ADAMTS14: variants seen among roughly 807,000 people sequenced by gnomAD.
ADAMTS14 encodes ADAM metallopeptidase with thrombospondin type 1 motif 14.
A neutral mutation model predicts 128.6 loss-of-function variants in ADAMTS14; 100 were observed. The ratio of observed to expected loss-of-function variants is 0.78; its 90% CI spans 0.66 to 0.92. ADAMTS14 has a LOEUF of 0.92. Ranked by LOEUF, ADAMTS14 falls within the 40% of genes least tolerant of loss-of-function variation. ADAMTS14 has a pLI of 0.00. For synonymous variants in ADAMTS14, 665 were observed against 653.8 expected (o/e 1.02, Z -0.26); for missense variants, 1,562 against 1,658.6 (o/e 0.94, Z 1.01).
At chr10:70,760,218 A>C (rs147834453) in intron 21 of ADAMTS14, 142 bp from the exon 22 acceptor site, 22,050 of 1,108,312 alleles carry the variant, frequency 0.02, 330 homozygotes, top group Non-Finnish European at 0.024. Context: ...TGTAGCCCCC[A>C]CCCTGAGAAA....
intron 4 of ADAMTS14, among the ~76,000 whole-genome samples, chr10:70,721,209 G>C (rs903192960): frequency 4.0e-5 from 6 of 151,540 alleles, no homozygotes; most frequent in Non-Finnish European, 8.8e-5. Context: ...ATTTTTAGTA[G>C]AGACGGGGTT....
intron 16 of ADAMTS14, 41 bp downstream of exon 16, chr10:70,750,026 A>G (rs1842306295): frequency 1.2e-6 from 2 of 1,603,378 alleles, no homozygotes; most frequent in African/African-American, 1.3e-5. Context: ...TGCCCACCCC[A>G]CTTGTCCCCT....
In ADAMTS14 at chr10:70,760,469, G is replaced by C; in HGVS notation, c.3288G>C (p.Lys1096Asn). The C allele has an allele frequency of 1.2e-6, 2 of 1,613,832 alleles. No homozygotes were observed. Among genetic ancestry groups the C allele is most frequent in the Non-Finnish European group, 1.7e-6 (2 of 1,179,952 alleles). ...TCTGCTGTGTGTCCTGCATCAAGAA[G>C]GCCTCGGGCCCCAACCCTGGCCCAG... is the stretch of plus-strand genomic sequence containing the variant. Reference protein sequence around the residue: ...HRLCCVSCIKKASGPNPGPDP... With the variant: ...HRLCCVSCIKNASGPNPGPDP... Residue 1096 changes from lysine to asparagine, a missense_variant, in exon 22 of 22, where the codon AAG becomes AAC. Transcript: ENST00000373207.
At position 70,690,767 on chromosome 10, in the gene ADAMTS14, C is replaced by T. The variant is rs1048199880; in HGVS notation, c.523-11545C>T. Among the ~76,000 whole-genome samples, 5 of 145,134 alleles carry T rather than the reference C, an allele frequency of 3.4e-5. 1 individual carries two copies. Among genetic ancestry groups the T allele is most frequent in the South Asian group, 2.2e-4 (1 of 4,556 alleles). On this transcript the variant is annotated intron_variant, in intron 2 of 21. Coordinates refer to ENST00000373207, the MANE Select transcript of ADAMTS14 (RefSeq NM_080722.4). ...GTGCTGCTCACTGTCAGCTGGTGTG[C>T]GTCTGAGTGGCAGCGTTCAAACTGC... is the stretch of plus-strand genomic sequence containing the variant.
rs1006434722 is a variant in ADAMTS14 at position 70,743,655 on chromosome 10, A to T, written c.2032A>T (p.Ser678Cys). The T allele has an allele frequency of 6.2e-7, 1 of 1,607,180 alleles. No individual in the cohort carries two copies. The highest frequency in any genetic ancestry group is 8.5e-7 in the Non-Finnish European group (1 of 1,176,888). The change falls in exon 13 of 22, where the codon AGC (serine) becomes TGC (cysteine). Residue 678 changes from serine to cysteine, a missense_variant. Transcript: ENST00000373207. The stretch of plus-strand genomic sequence containing the variant: ...ACGCTGCAGCTACCGGGACCCATAC[A>T]GCGTCTGTGCGCGTGGCGAGTGTGT... ...GTRCSYRDPY[S>C]VCARGECVPV...
At chr10:70,682,995 G>A (rs1839857814) in intron 2 of ADAMTS14, among the ~76,000 whole-genome samples, 1 of 152,238 alleles carries the variant, frequency 6.6e-6, no homozygotes, top group Non-Finnish European at 1.5e-5. Context: ...TGAGGGGACA[G>A]CATTTGTCGT....
At chr10:70,722,087 T>G (rs56259942) in intron 4 of ADAMTS14, among the ~76,000 whole-genome samples, 3 of 152,158 alleles carry the variant, frequency 2.0e-5, no homozygotes, top group Non-Finnish European at 2.9e-5. Flanking sequence ...GGCTCTTGCT[T>G]GCACTGGCAG....
At chr10:70,758,895 C>T (rs760655621) in intron 21 of ADAMTS14, among the ~76,000 whole-genome samples, 38 of 152,166 alleles carry the variant, frequency 2.5e-4, no homozygotes, top group Non-Finnish European at 4.9e-4. Context: ...GCAACTGCTA[C>T]GTGCCAGGCT....
At chr10:70,729,445 C>A in intron 5 of ADAMTS14, 68 bp downstream of exon 5, 1 of 1,319,020 alleles carries the variant, frequency 7.6e-7, no homozygotes, top group Non-Finnish European at 1.1e-6. Context: ...GTTGGACCAG[C>A]AATGGTGTGG....
chr10:70,690,791 G>T (rs1281697550), intron 2 of ADAMTS14, among the ~76,000 whole-genome samples: 1 of 145,164 alleles, frequency 6.9e-6, no homozygotes, highest in Non-Finnish European at 1.6e-5. Flanking sequence ...CGTTCAAACT[G>T]CAGGGCCTCC....
chr10:70,678,093 G>A (rs1839699066), intron 2 of ADAMTS14, among the ~76,000 whole-genome samples: 1 of 152,238 alleles, frequency 6.6e-6, no homozygotes, highest in African/African-American at 2.4e-5. Context: ...CCCAGACACA[G>A]CATGCATATG....
chr10:70,729,734 A>T (rs1841571296), intron 5 of ADAMTS14, among the ~76,000 whole-genome samples: 1 of 152,168 alleles, frequency 6.6e-6, no homozygotes, highest in Non-Finnish European at 1.5e-5. Flanking sequence ...CTATTATTAA[A>T]TGGGGGTAGC....
In ADAMTS14 at chr10:70,714,107, C is replaced by T. The variant is rs565026020; in HGVS notation, c.870+5329C>T. Among the ~76,000 whole-genome samples the T allele has an allele frequency of 3.0e-4, 46 of 152,160 alleles. No homozygotes were observed. The South Asian group carries it at 8.5e-3, about 28-fold the overall frequency. On this transcript the variant is annotated intron_variant, in intron 4 of 21. Coordinates refer to ENST00000373207, the MANE Select transcript of ADAMTS14 (RefSeq NM_080722.4). ...ACTCAGGAGGTTGAGGTGGGAGGAT[C>T]GCTGGAGCCCAGGAGTTCAAGGCTG...
chr10:70,678,518 G>C (rs1433681413), intron 2 of ADAMTS14, among the ~76,000 whole-genome samples: 1 of 151,872 alleles, frequency 6.6e-6, no homozygotes, highest in Non-Finnish European at 1.5e-5. Flanking sequence ...GGAAGAGCTT[G>C]AGCAGGCTAG....
rs1030363632 is a variant in ADAMTS14, at chr10:70,699,934, C to T, written c.523-2378C>T. 5.3e-5 allele frequency among the ~76,000 whole-genome samples: 8 copies of T among 151,988 alleles called. No individual in the cohort carries two copies. The East Asian group carries it at 1.6e-3, about 30-fold the overall frequency. On this transcript the variant is annotated intron_variant, in intron 2 of 21. Transcript: ENST00000373207. ...ACCAGCCAGGTTTGTGTGCCTGTAG[C>T]CTGGGTGGAGCAGTGGCCTCTGACT...
intron 7 of ADAMTS14, among the ~76,000 whole-genome samples, chr10:70,733,554 G>C (rs926174521): frequency 6.6e-6 from 1 of 152,216 alleles, no homozygotes; most frequent in Non-Finnish European, 1.5e-5. Flanking sequence ...GAGCCCACAG[G>C]TGAGACAGCT....
chr10:70,704,620 T>A (rs1310077769), intron 3 of ADAMTS14, among the ~76,000 whole-genome samples: 1 of 139,956 alleles, frequency 7.1e-6, no homozygotes, highest in Non-Finnish European at 1.5e-5. Flanking sequence ...ACACCCACGA[T>A]CACACATAGA....
intron 2 of ADAMTS14, among the ~76,000 whole-genome samples, chr10:70,695,947 C>T (rs865879909): frequency 1.2e-4 from 18 of 152,200 alleles, no homozygotes; most frequent in Non-Finnish European, 2.1e-4. Context: ...GTTGTGGTCA[C>T]AGGTAAGCAG....
intron 4 of ADAMTS14, among the ~76,000 whole-genome samples, chr10:70,725,978 G>C (rs1448291433): frequency 6.6e-6 from 1 of 152,140 alleles, no homozygotes; most frequent in African/African-American, 2.4e-5. Flanking sequence ...GGGTGGTGGG[G>C]GTGGGGGCCT....
Sources: gnomAD v4.1 joint callset for allele counts (sites outside exome capture counted in the v4.1 genomes callset) on GRCh38, gnomAD v4.1.1 for gene constraint, MANE v1.5 for transcripts, NCBI Gene and HGNC (gene_info 2026-07-23, HGNC 2026-07-21) for gene names.